Variants in ETF1 observed in about 807,000 individuals in gnomAD.
ETF1 encodes the protein eukaryotic translation termination factor 1, also known as eukaryotic peptide chain release factor subunit 1.
In ETF1, 4 loss-of-function variants were observed where a neutral mutation model predicts 55.1. The ratio of observed to expected loss-of-function variants is 0.07; its 90% CI spans 0.04 to 0.17. ETF1 has a LOEUF of 0.17. Ranked by LOEUF, ETF1 falls within the 10% of genes least tolerant of loss-of-function variation. The pLI, the probability that ETF1 is intolerant of heterozygous loss-of-function variation, is 1.00. For synonymous variants in ETF1, 157 were observed against 182.3 expected (o/e 0.86, Z 1.12); for missense variants, 142 against 523.6 (o/e 0.27, Z 7.11).
chr5:138,542,613 C>T, intron 2 of ETF1: 2 of 1,418,742 alleles, frequency 1.4e-6, no homozygotes. Context: ...TGATCTAAAC[C>T]GGGGAGCGCG....
intron 10 of ETF1, 109 bp downstream of exon 10, chr5:138,508,560 T>A (rs192431484): frequency 5.6e-5 from 88 of 1,561,424 alleles, no homozygotes; most frequent in Non-Finnish European, 8.6e-7. Flanking sequence ...GTCAATCACC[T>A]ATCCCAGCAG....
At chr5:138,527,173 T>G (rs530872864) in intron 2 of ETF1, among the ~76,000 whole-genome samples, 1 of 152,318 alleles carries the variant, frequency 6.6e-6, no homozygotes, top group African/African-American at 2.4e-5. Context: ...ATGAGCTGGC[T>G]GTCCAGTCCT....
chr5:138,523,572 C>T (rs540722402), intron 2 of ETF1, among the ~76,000 whole-genome samples: 1 of 152,182 alleles, frequency 6.6e-6, no homozygotes, highest in Non-Finnish European at 1.5e-5. Flanking sequence ...TCCATTTACA[C>T]AAAATGTTCA....
chr5:138,541,819 A>G (rs1200283069), intron 2 of ETF1: 4 of 433,320 alleles, frequency 9.2e-6, no homozygotes, highest in Non-Finnish European at 1.6e-5. Context: ...GGAAAGGAAC[A>G]AAATAAAGTA....
At chr5:138,514,005 T>A (rs1247518817) in intron 4 of ETF1, 14 of 741,390 alleles carry the variant, frequency 1.9e-5, no homozygotes, top group Non-Finnish European at 2.1e-5. Flanking sequence ...ATAGCAATAT[T>A]ACATACAGCA....
At chr5:138,542,496 G>C (rs1223752107) in intron 2 of ETF1, 1 of 542,952 alleles carries the variant, frequency 1.8e-6, no homozygotes, top group Admixed American at 4.3e-5. Context: ...TGCCACAATA[G>C]CACCCGAGTC....
chr5:138,511,650 A>G (rs1254155673), intron 6 of ETF1, 46 bp from the exon 7 acceptor site: 2 of 1,540,904 alleles, frequency 1.3e-6, no homozygotes, highest in Admixed American at 2.0e-5. Flanking sequence ...GTACTTATTT[A>G]AAATATTATT....
intron 2 of ETF1, among the ~76,000 whole-genome samples, chr5:138,524,916 T>G (rs1765404207): frequency 6.6e-6 from 1 of 151,648 alleles, no homozygotes; most frequent in Admixed American, 6.6e-5. Context: ...CTTTCCCTTT[T>G]TTTTTCTTTT....
intron 6 of ETF1, 58 bp downstream of exon 6, chr5:138,512,706 A>T: frequency 6.9e-7 from 1 of 1,451,490 alleles, no homozygotes; most frequent in Non-Finnish European, 9.2e-7. Context: ...GCTCACACAG[A>T]GGACTCACCT....
chr5:138,513,759 C>A (rs1764906216), intron 4 of ETF1, 53 bp from the exon 5 acceptor site: 1 of 1,553,724 alleles, frequency 6.4e-7, no homozygotes, highest in South Asian at 1.2e-5. Context: ...TTGCTAAGGT[C>A]AAAAAAACTC....
At chr5:138,514,582 T>C (rs1412030691) in intron 4 of ETF1, among the ~76,000 whole-genome samples, 1 of 151,962 alleles carries the variant, frequency 6.6e-6, no homozygotes, top group East Asian at 1.9e-4. Context: ...TTTTTTTTTT[T>C]TTGAGACAGG....
At chr5:138,517,794 G>C in intron 3 of ETF1, 94 bp from the exon 4 acceptor site, 1 of 1,321,708 alleles carries the variant, frequency 7.6e-7, no homozygotes, top group Non-Finnish European at 9.8e-7. Context: ...TTCCCTGCCT[G>C]ATCCTTTAAG....
At chr5:138,530,040 G>A (rs1006846768) in intron 2 of ETF1, among the ~76,000 whole-genome samples, 2 of 152,136 alleles carry the variant, frequency 1.3e-5, no homozygotes, top group Non-Finnish European at 2.9e-5. Context: ...GACCGTGCCC[G>A]CCTGACCCAC....
chr5:138,511,265 A>G, intron 7 of ETF1, 65 bp from the exon 8 acceptor site: 1 of 1,577,962 alleles, frequency 6.3e-7, no homozygotes, highest in Middle Eastern at 1.7e-4. Context: ...AAACACACCT[A>G]TTCGACCTAA....
chr5:138,519,573 G>C (rs536225990), intron 2 of ETF1, among the ~76,000 whole-genome samples: 9 of 151,422 alleles, frequency 5.9e-5, no homozygotes, highest in South Asian at 2.1e-4. Flanking sequence ...TGAGGCACGA[G>C]AATCACTTGA....
At chr5:138,539,975 G>GT (rs1169905216) in intron 2 of ETF1, among the ~76,000 whole-genome samples, 1 of 152,180 alleles carries the variant, frequency 6.6e-6, no homozygotes, top group East Asian at 1.9e-4. Context: ...ATAATGTACT[G>GT]TAGCACAGTC....
chr5:138,511,914 C>T (rs920470289), intron 6 of ETF1: 23 of 984,690 alleles, frequency 2.3e-5, no homozygotes, highest in East Asian at 2.3e-4. Context: ...GAGGTTAAGA[C>T]GGGCTGGGGA....
intron 2 of ETF1, among the ~76,000 whole-genome samples, chr5:138,521,373 G>A (rs1182270545): frequency 2.0e-5 from 3 of 152,118 alleles, no homozygotes; most frequent in Admixed American, 1.3e-4. Context: ...TTTACAAGAC[G>A]AAAAGTCCTA....
intron 3 of ETF1, chr5:138,517,903 CT>C (rs1487587576): frequency 1.0e-6 from 1 of 984,936 alleles, no homozygotes; most frequent in Non-Finnish European, 1.2e-6. Flanking sequence ...ACGATTTATT[CT>C]TTAAAGTAAA....
Sources: gnomAD v4.1 joint callset for allele counts (sites outside exome capture counted in the v4.1 genomes callset) on GRCh38, gnomAD v4.1.1 for gene constraint, MANE v1.5 for transcripts, NCBI Gene and HGNC (gene_info 2026-07-23, HGNC 2026-07-21) for gene names.